FYB1: variants seen among roughly 807,000 people sequenced by gnomAD.
FYB1 encodes FYN binding protein 1, also known as FYN-binding protein 1.
Under a neutral mutation model 94.1 loss-of-function variants are expected in FYB1, and 41 were observed. The observed-to-expected ratio is 0.44, with a 90% CI of 0.34 to 0.57. The LOEUF (loss-of-function observed/expected upper bound fraction) is 0.57. Ranked by LOEUF, FYB1 falls within the 20% of genes least tolerant of loss-of-function variation. The pLI, the probability that FYB1 is intolerant of heterozygous loss-of-function variation, is 0.02. For missense variants in FYB1, 1,050 were observed against 976.8 expected, an observed-to-expected ratio of 1.07 and a Z score of -1.00; for synonymous variants, 367 against 353.2, an observed-to-expected ratio of 1.04 and a Z score of -0.44.
intron 1 of FYB1, among the ~76,000 whole-genome samples, chr5:39,232,556 TTA>T (rs200703897): frequency 3.1e-4 from 47 of 151,666 alleles, no homozygotes; most frequent in Non-Finnish European, 7.4e-5. Flanking sequence ...TATTTTTTAT[TTA>T]TTTTTTTTGC....
At position 39,124,287 on chromosome 5, in the gene FYB1, A is replaced by G. The variant is rs1580323940; in HGVS notation, c.2046-9T>C. The G allele has an allele frequency of 1.3e-6, 2 of 1,549,052 alleles. No individual in the cohort carries two copies. The highest frequency in any genetic ancestry group is 4.8e-5 in the East Asian group (2 of 42,004). ...TAGGAGGAGCAGGGAAACTACAAAG[A>G]AAGTGAGAACACAATTATAATCAGA... is the stretch of plus-strand genomic sequence containing the variant. On this transcript the variant is annotated splice_polypyrimidine_tract_variant and intron_variant, in intron 12 of 18. Transcript: ENST00000512982.
intron 2 of FYB1, among the ~76,000 whole-genome samples, chr5:39,174,129 A>G (rs1745493499): frequency 6.6e-6 from 1 of 152,110 alleles, no homozygotes; most frequent in African/African-American, 2.4e-5. Flanking sequence ...TTCTTTCAGC[A>G]GTGTTTTGTG....
At chr5:39,264,983 G>A (rs527725738) in intron 1 of FYB1, among the ~76,000 whole-genome samples, 1 of 152,148 alleles carries the variant, frequency 6.6e-6, no homozygotes, top group South Asian at 2.1e-4. Flanking sequence ...AGGAAAAGTG[G>A]TTCTCCAAGC....
At chr5:39,115,149 G>A (rs1739415113) in intron 16 of FYB1, among the ~76,000 whole-genome samples, 1 of 150,328 alleles carries the variant, frequency 6.7e-6, no homozygotes, top group African/African-American at 2.5e-5. Context: ...AGACTGGAGT[G>A]CAGTGGTGCA....
At chr5:39,170,217 G>A in intron 2 of FYB1, 2 of 866,900 alleles carry the variant, frequency 2.3e-6, no homozygotes, top group Admixed American at 1.9e-5. Flanking sequence ...CAGTATTTTT[G>A]CTATATATGA....
intron 3 of FYB1, among the ~76,000 whole-genome samples, chr5:39,148,820 A>T (rs865817506): frequency 2.6e-5 from 4 of 152,162 alleles, no homozygotes; most frequent in African/African-American, 9.7e-5. Flanking sequence ...GTCACTTCCC[A>T]TTATTTACTA....
rs1346291770 is a variant in FYB1 at position 39,201,893 on chromosome 5, A to T, written c.1068T>A (p.Pro356=). The T allele has an allele frequency of 6.2e-7, 1 of 1,613,996 alleles. No individual in the cohort carries two copies. The highest frequency in any genetic ancestry group is 1.7e-5 in the Admixed American group (1 of 60,010). The change falls in exon 2 of 19, where the codon CCT becomes CCA. Residue 356 remains proline, a synonymous_variant. Transcript: ENST00000512982. ...TTGGTGGTCTGTTGGGTTTTGGTGG[A>T]GGTGGACCCAAGGTAAACAAGGGAG... ...PLPPLFTLGP[P]PPKPNRPPNV...
chr5:39,204,506 T>C (rs917052163), intron 1 of FYB1, among the ~76,000 whole-genome samples: 1 of 152,220 alleles, frequency 6.6e-6, no homozygotes, highest in Non-Finnish European at 1.5e-5. Flanking sequence ...AGAACTGTTA[T>C]GTAGCAACTC....
In FYB1 at chr5:39,120,208, T is replaced by G. The variant is rs572025589; in HGVS notation, c.2139-574A>C. On this transcript the variant is annotated intron_variant, in intron 14 of 18. Transcript: ENST00000512982. ...AAGATGGTTATTACTGATCTTTATC[T>G]TCATCCCTTTATCAATTGTGTGTGT... Among the ~76,000 whole-genome samples, 19 of 151,512 alleles carry G rather than the reference T, an allele frequency of 1.3e-4. No individual in the cohort carries two copies. The Middle Eastern group carries it at 0.01, about 81-fold the overall frequency.
chr5:39,231,157 A>AAAAAAAAAAC (rs1750722189), intron 1 of FYB1, among the ~76,000 whole-genome samples: 1 of 118,458 alleles, frequency 8.4e-6, no homozygotes, highest in African/African-American at 4.4e-5. Context: ...CAAAAAAAAA[A>AAAAAAAAAAC]AAAACAAAAA....
At chr5:39,176,767 A>G (rs1393371912) in intron 2 of FYB1, among the ~76,000 whole-genome samples, 1 of 152,232 alleles carries the variant, frequency 6.6e-6, no homozygotes, top group Non-Finnish European at 1.5e-5. Context: ...TAAAAATAGC[A>G]ACACAACTTC....
chr5:39,219,959 C>T (rs1297072004), upstream of FYB1, among the ~76,000 whole-genome samples: 1 of 152,148 alleles, frequency 6.6e-6, no homozygotes, highest in Admixed American at 6.5e-5. Context: ...CTAATTGCAC[C>T]TGAGGTCAGG....
chr5:39,192,125 C>T (rs1396292974), intron 2 of FYB1, among the ~76,000 whole-genome samples: 1 of 152,204 alleles, frequency 6.6e-6, no homozygotes, highest in Non-Finnish European at 1.5e-5. Context: ...AAGGCACCTC[C>T]TGCAGACTGA....
Position 39,127,788 on chromosome 5 carries a change from T to G in FYB1, c.1860A>C (p.Pro620=). ...SGSGGIFPPP[P]DDDIYDGIEE... ...CAATCCCATCATAAATGTCATCATCTGGTGGTGGAGGGAATATCCCTTCAT... is the reference window on the plus strand; with the variant it reads ...CAATCCCATCATAAATGTCATCATCGGGTGGTGGAGGGAATATCCCTTCAT... The change falls in exon 11 of 19, where the codon CCA becomes CCC. Residue 620 remains proline, a synonymous_variant. Coordinates refer to ENST00000512982, the MANE Select transcript of FYB1 (RefSeq NM_001465.6). 6.2e-7 allele frequency: 1 copy of G among 1,604,794 alleles called. No individual in the cohort carries two copies. The highest frequency in any genetic ancestry group is 1.3e-5 in the African/African-American group (1 of 74,680).
intron 7 of FYB1, among the ~76,000 whole-genome samples, chr5:39,135,372 C>T (rs1190620862): frequency 1.3e-5 from 2 of 152,190 alleles, no homozygotes; most frequent in East Asian, 3.9e-4. Context: ...TGGAATATGC[C>T]AGGATTCTGT....
chr5:39,270,532 CAGGAGACCAAGG>C (rs1267686642), intron 1 of FYB1: 5 of 1,527,446 alleles, frequency 3.3e-6, no homozygotes, highest in Non-Finnish European at 4.4e-6. Flanking sequence ...GCACATTTGC[CAGGAGACCAAGG>C]AGAGTTATAA....
intron 9 of FYB1, among the ~76,000 whole-genome samples, chr5:39,133,014 A>G (rs1324911224): frequency 1.3e-5 from 2 of 152,218 alleles, no homozygotes; most frequent in South Asian, 2.1e-4. Context: ...TGCATAATTT[A>G]TGTTTAGAAC....
intron 16 of FYB1, among the ~76,000 whole-genome samples, chr5:39,111,242 T>G (rs1208010810): frequency 6.6e-6 from 1 of 151,980 alleles, no homozygotes; most frequent in Non-Finnish European, 1.5e-5. Flanking sequence ...TTTGTGTTAG[T>G]GCCTAAAATC....
At chr5:39,148,149 T>A (rs1479259737) in intron 3 of FYB1, among the ~76,000 whole-genome samples, 1 of 68,122 alleles carries the variant, frequency 1.5e-5, no homozygotes, top group Non-Finnish European at 2.4e-5. Context: ...ATATTATATG[T>A]ATTTTTTATA....
Sources: allele counts gnomAD v4.1 joint callset (sites outside exome capture counted in the v4.1 genomes callset), GRCh38; gene constraint gnomAD v4.1.1; transcripts MANE v1.5; gene names NCBI Gene and HGNC (gene_info 2026-07-23, HGNC 2026-07-21).